Variants in MBD5 observed in about 807,000 individuals in gnomAD.
MBD5 encodes the protein methyl-CpG-binding domain protein 5.
A neutral mutation model predicts 117.3 loss-of-function variants in MBD5; 13 were observed. The observed-to-expected ratio is 0.11, with a 90% CI of 0.07 to 0.18. The LOEUF is 0.18. MBD5 is among the 10% of genes least tolerant of loss of function. The probability of loss-of-function intolerance (pLI) is 1.00; values close to 1 mark genes in which losing one functional copy is unlikely to be tolerated. For missense variants in MBD5, 1,879 were observed against 2,093.8 expected, an observed-to-expected ratio of 0.90 and a Z score of 2.00; for synonymous variants, 727 against 766.4, an observed-to-expected ratio of 0.95 and a Z score of 0.85.
intron 1 of MBD5, among the ~76,000 whole-genome samples, chr2:148,161,266 A>G (rs10497031): frequency 0.088 from 13,334 of 152,234 alleles, 648 homozygotes; most frequent in South Asian, 0.14. Flanking sequence ...GCTCTAATCC[A>G]GAGTGGGACA....
chr2:148,167,792 G>T (rs533241459), intron 1 of MBD5, among the ~76,000 whole-genome samples: 3 of 151,934 alleles, frequency 2.0e-5, no homozygotes, highest in Non-Finnish European at 2.9e-5. Context: ...TTTTTTTTTT[G>T]AGCCAAATCC....
intron 4 of MBD5, among the ~76,000 whole-genome samples, chr2:148,434,667 T>C (rs531083252): frequency 1.6e-4 from 24 of 152,308 alleles, no homozygotes; most frequent in Admixed American, 1.2e-3. Context: ...GATTGTTTTA[T>C]GTCCAAATGT....
At chr2:148,239,004 T>C (rs1036647841) in intron 3 of MBD5, among the ~76,000 whole-genome samples, 2 of 125,704 alleles carry the variant, frequency 1.6e-5, no homozygotes, top group Admixed American at 7.9e-5. Context: ...ATCATATATA[T>C]ATATATATAT....
chr2:148,116,000 C>T (rs1329632063), intron 1 of MBD5, among the ~76,000 whole-genome samples: 4 of 152,070 alleles, frequency 2.6e-5, no homozygotes, highest in Middle Eastern at 3.4e-3. Flanking sequence ...CATGCCACCA[C>T]GCCCAGCTAA....
chr2:148,220,715 T>C (rs1368845870), intron 2 of MBD5, among the ~76,000 whole-genome samples: 1 of 152,170 alleles, frequency 6.6e-6, no homozygotes, highest in Non-Finnish European at 1.5e-5. Flanking sequence ...AAATGGGATA[T>C]TCATCACCTC....
chr2:148,209,430 G>A (rs1010182148), intron 2 of MBD5, among the ~76,000 whole-genome samples: 1 of 152,024 alleles, frequency 6.6e-6, no homozygotes, highest in Admixed American at 6.6e-5. Context: ...CATCTATGAA[G>A]AACAGGCTCT....
chr2:148,317,688 C>T (rs1187095709), intron 3 of MBD5, among the ~76,000 whole-genome samples: 1 of 152,038 alleles, frequency 6.6e-6, no homozygotes. Flanking sequence ...TTAGTCCTCG[C>T]TTGTGTGAAA....
At chr2:148,440,710 G>C (rs1307616838) in intron 4 of MBD5, among the ~76,000 whole-genome samples, 1 of 152,168 alleles carries the variant, frequency 6.6e-6, no homozygotes, top group Non-Finnish European at 1.5e-5. Flanking sequence ...ATAAGATAAG[G>C]GATGTGTGTA....
At chr2:148,055,491 A>T (rs1306528665) in intron 1 of MBD5, 1 of 149,398 alleles carries the variant, frequency 6.7e-6, no homozygotes, top group East Asian at 2.0e-4. Context: ...GCAGGAGTGC[A>T]GTGGTGCCAT....
chr2:148,210,553 TTG>T (rs1246009214), intron 2 of MBD5, among the ~76,000 whole-genome samples: 1 of 152,010 alleles, frequency 6.6e-6, no homozygotes, highest in Admixed American at 6.6e-5. Flanking sequence ...TTTTTAAAAA[TTG>T]TGATTTACCA....
chr2:148,398,066 G>C (rs1164629420), intron 4 of MBD5, among the ~76,000 whole-genome samples: 3 of 152,116 alleles, frequency 2.0e-5, no homozygotes, highest in Non-Finnish European at 2.9e-5. Flanking sequence ...TTGGACATTT[G>C]GATTGGTTCC....
intron 3 of MBD5, among the ~76,000 whole-genome samples, 166 bp downstream of exon 3, chr2:148,233,561 G>A (rs1159301578): frequency 1.3e-5 from 2 of 151,828 alleles, no homozygotes; most frequent in East Asian, 3.9e-4. Flanking sequence ...TAACACTATA[G>A]CATGTCAAAA....
intron 1 of MBD5, among the ~76,000 whole-genome samples, chr2:148,136,811 G>T (rs1697181679): frequency 6.6e-6 from 1 of 151,280 alleles, no homozygotes; most frequent in African/African-American, 2.4e-5. Context: ...TGCCCAGGCT[G>T]GAGTGCAGTG....
At chr2:148,096,369 T>C (rs923311029) in intron 1 of MBD5, among the ~76,000 whole-genome samples, 1 of 151,226 alleles carries the variant, frequency 6.6e-6, no homozygotes, top group Admixed American at 6.6e-5. Context: ...CTGCTAAACA[T>C]CTTATAGTGC....
chr2:148,351,801 T>C (rs962683582), intron 4 of MBD5, among the ~76,000 whole-genome samples: 8 of 152,086 alleles, frequency 5.3e-5, no homozygotes, highest in Admixed American at 6.6e-5. Flanking sequence ...TTCTGCTATG[T>C]AAGAATTGGG....
intron 3 of MBD5, among the ~76,000 whole-genome samples, chr2:148,273,146 T>C (rs758669129): frequency 9.9e-5 from 15 of 152,198 alleles, no homozygotes; most frequent in South Asian, 4.2e-4. Context: ...GAGAGAAATC[T>C]GACAGAGCTG....
At chr2:148,461,945 C>T (rs1176779314) in intron 5 of MBD5, among the ~76,000 whole-genome samples, 2 of 152,162 alleles carry the variant, frequency 1.3e-5, no homozygotes, top group African/African-American at 4.8e-5. Context: ...TTTCTTTTGT[C>T]AACTCTGCTT....
chr2:148,476,692 A>T (rs932282185), intron 8 of MBD5, among the ~76,000 whole-genome samples: 4 of 152,190 alleles, frequency 2.6e-5, no homozygotes, highest in African/African-American at 9.6e-5. Flanking sequence ...CAGAATATCC[A>T]TGAGGTAATT....
chr2:148,412,321 A>G (rs1483218119), intron 4 of MBD5, among the ~76,000 whole-genome samples: 1 of 145,132 alleles, frequency 6.9e-6, no homozygotes, highest in Non-Finnish European at 1.5e-5. Flanking sequence ...GAGAATATAT[A>G]TATGTATATA....
Sources: gnomAD v4.1 joint callset for allele counts (sites outside exome capture counted in the v4.1 genomes callset) on GRCh38, gnomAD v4.1.1 for gene constraint, MANE v1.5 for transcripts, NCBI Gene and HGNC (gene_info 2026-07-23, HGNC 2026-07-21) for gene names.